The following ALG1 variants were observed in gnomAD, a reference collection of about 807,000 sequenced individuals.
ALG1 encodes ALG1 chitobiosyldiphosphodolichol beta-mannosyltransferase.
ALG1 carries 58 observed loss-of-function variants against 55.1 expected under a neutral mutation model. The observed-to-expected ratio is 1.05, with a 90% CI of 0.85 to 1.31. The LOEUF (loss-of-function observed/expected upper bound fraction) is 1.31. ALG1 is among the 50% of genes most tolerant of loss of function. ALG1 has a pLI of 0.00. For missense variants in ALG1, 761 were observed against 598.6 expected (o/e 1.27, Z -2.83); for synonymous variants, 309 against 247.0 (o/e 1.25, Z -2.35).
At position 5,078,805 on chromosome 16, in the gene ALG1, G is replaced by C. The variant is rs1419649148; in HGVS notation, c.789G>C (p.Arg263=). 6.2e-7 allele frequency: 1 copy of C among 1,612,694 alleles called. No individual in the cohort carries two copies. The highest frequency in any genetic ancestry group is 1.7e-5 in the Admixed American group (1 of 59,994). ...CGGAGCGGTCGGCCTTCACGGAGCG[G>C]GATGCTGGGAGCGGGCTGGTGACGC... ...PVTERSAFTE[R]DAGSGLVTRL... Residue 263 remains arginine (R), a synonymous_variant, in exon 7 of 13, where the codon CGG becomes CGC. Coordinates refer to ENST00000262374, the MANE Select transcript of ALG1 (RefSeq NM_019109.5).
Position 5,084,675 on chromosome 16 carries a change from G to A in ALG1, c.1264-75G>A, listed in dbSNP as rs536127978. 3.4e-5 allele frequency: 54 copies of A among 1,593,286 alleles called. No homozygotes were observed. In the East Asian group the frequency reaches 1.1e-3, roughly 34 times the overall value. On this transcript the variant is annotated intron_variant, in intron 12 of 12. Coordinates refer to ENST00000262374, the MANE Select transcript of ALG1 (RefSeq NM_019109.5). The stretch of plus-strand genomic sequence containing the variant: ...GGGTTGTTGTTGGGTCGGGGACCTG[G>A]GGTCAGCCAGGTGGTGACCTGGGAT...
Position 5,079,094 on chromosome 16 carries a change from C to T in ALG1, c.893C>T (p.Ala298Val). ...GAAGACTTCTCCATCCTGCTGGCAG[C>T]TTTAGAAAGTAGGTGTGTGGCTGCG... ...EDEDFSILLA[A>V]LEKFEQLTLD... The change falls in exon 8 of 13, where the codon GCT becomes GTT. Residue 298 changes from alanine to valine, a missense_variant. Physicochemically the swap from Ala to Val is moderately conservative, Grantham distance 64. Transcript: ENST00000262374. The T allele has an allele frequency of 6.3e-7, 1 of 1,597,524 alleles. No individual in the cohort carries two copies. The highest frequency in any genetic ancestry group is 8.5e-7 in the Non-Finnish European group (1 of 1,179,620).
chr16:5,083,824 T>G, intron 12 of ALG1, 67 bp downstream of exon 12: 6 of 1,595,252 alleles, frequency 3.8e-6, no homozygotes, highest in Non-Finnish European at 5.1e-6. Flanking sequence ...CCAGGCTCCC[T>G]GATCCCTGCT....
intron 5 of ALG1, 28 bp from the exon 6 acceptor site, chr16:5,077,879 C>T (rs1956941758): frequency 6.2e-7 from 1 of 1,602,340 alleles, no homozygotes; most frequent in African/African-American, 1.3e-5. Flanking sequence ...TCAGCCCTCC[C>T]AATAGCCCCG....
chr16:5,071,855 G>A lies in ALG1; in HGVS notation c.6G>A (p.Ala2=), dbSNP rs1340289136. The A allele has an allele frequency of 6.2e-7, 1 of 1,604,548 alleles. No homozygotes were observed. Among genetic ancestry groups the A allele is most frequent in the East Asian group, 2.2e-5 (1 of 44,742 alleles). M[A]ASCLVLLALC... ...ACTGCTGCGGGCCAGCCAAGATGGC[G>A]GCCTCATGCTTGGTCCTGCTGGCGC... Residue 2 remains alanine, a synonymous_variant, in exon 1 of 13, where the codon GCG becomes GCA. Transcript: ENST00000262374.
At chr16:5,072,856 C>T (rs1324545142) in intron 1 of ALG1, 95 bp from the exon 2 acceptor site, 1 of 1,182,368 alleles carries the variant, frequency 8.5e-7, no homozygotes, top group Non-Finnish European at 1.3e-6. Context: ...ATCTTACTTT[C>T]CAAAACACTG....
At chr16:5,083,498 C>T (rs1378250592) in intron 11 of ALG1, among the ~76,000 whole-genome samples, 184 bp from the exon 12 acceptor site, 1 of 152,144 alleles carries the variant, frequency 6.6e-6, no homozygotes, top group Non-Finnish European at 1.5e-5. Flanking sequence ...TTTTGATGTG[C>T]ACCCCCCCAG....
At position 5,077,534 on chromosome 16, in the gene ALG1, G is replaced by A; in HGVS notation, c.629G>A (p.Arg210Lys). The A allele has an allele frequency of 6.2e-7, 1 of 1,614,196 alleles. No homozygotes were observed. Among genetic ancestry groups the A allele is most frequent in the African/African-American group, 1.3e-5 (1 of 75,068 alleles). ...REDLADNWHI[R>K]AVTVYDKPAS... ...GACCTGGCGGATAACTGGCACATCA[G>A]GTACCATGGCCTGGGATGACGGCGG... Residue 210 changes from arginine to lysine, a missense_variant and splice_region_variant, in exon 5 of 13, where the codon AGG (arginine) becomes AAG (lysine). Physicochemically the swap from Arg to Lys is conservative, Grantham distance 26. Coordinates refer to ENST00000262374, the MANE Select transcript of ALG1 (RefSeq NM_019109.5).
At chr16:5,084,478 C>T (rs1254180761) in intron 12 of ALG1, 66 of 592,392 alleles carry the variant, frequency 1.1e-4, no homozygotes, top group Middle Eastern at 4.6e-4. Context: ...GAGGAGGGTG[C>T]TCACAGGGGA....
chr16:5,076,002 G>C (rs1956906197), intron 4 of ALG1, among the ~76,000 whole-genome samples: 1 of 152,212 alleles, frequency 6.6e-6, no homozygotes, highest in Non-Finnish European at 1.5e-5. Context: ...CATGGACAGA[G>C]GGTGGGTGAG....
intron 10 of ALG1, 143 bp downstream of exon 10, chr16:5,081,199 G>C: frequency 9.1e-7 from 1 of 1,102,712 alleles, no homozygotes; most frequent in Non-Finnish European, 1.3e-6. Flanking sequence ...GCTACTTCCT[G>C]GTGTGCCAGC....
intron 3 of ALG1, among the ~76,000 whole-genome samples, chr16:5,074,059 A>C (rs1444812229): frequency 6.6e-6 from 1 of 152,032 alleles, no homozygotes; most frequent in Admixed American, 6.5e-5. Context: ...TTTTTCTTTA[A>C]AAAATTTTTC....
At chr16:5,073,660 G>A (rs1445793781) in intron 3 of ALG1, among the ~76,000 whole-genome samples, 3 of 152,270 alleles carry the variant, frequency 2.0e-5, no homozygotes, top group Non-Finnish European at 4.4e-5. Flanking sequence ...TTGAACGTAG[G>A]TCGTCAGTGT....
At chr16:5,077,386 G>C in intron 4 of ALG1, 59 bp from the exon 5 acceptor site, 2 of 1,421,374 alleles carry the variant, frequency 1.4e-6, no homozygotes, top group South Asian at 1.1e-5. Flanking sequence ...GTCGAGTCAC[G>C]CTGTGGTGGT....
intron 6 of ALG1, 159 bp from the exon 7 acceptor site, chr16:5,078,598 A>T: frequency 7.8e-7 from 1 of 1,280,146 alleles, no homozygotes; most frequent in Non-Finnish European, 1.1e-6. Flanking sequence ...TAGAGAAAGC[A>T]AGCCCAGGCC....
rs1483209115 is a variant in ALG1 at position 5,085,686 on chromosome 16, T to C, written c.*805T>C. The C allele has an allele frequency of 1.2e-6, 2 of 1,611,880 alleles. No individual in the cohort carries two copies. Among genetic ancestry groups the C allele is most frequent in the Admixed American group, 1.7e-5 (1 of 60,008 alleles). On this transcript the variant is annotated 3_prime_UTR_variant, in exon 13 of 13. Coordinates refer to ENST00000262374, the MANE Select transcript of ALG1 (RefSeq NM_019109.5). ...CCAAGTGCTCTTCGTAGGGAAACAG[T>C]TTCTGCTCATGACGAGGTTCCACTT...
At chr16:5,075,652 G>A in intron 4 of ALG1, 116 bp downstream of exon 4, 1 of 1,304,732 alleles carries the variant, frequency 7.7e-7, no homozygotes, top group Non-Finnish European at 1.1e-6. Flanking sequence ...GCAGGAGGTG[G>A]GGTGAGGCTG....
intron 6 of ALG1, chr16:5,078,540 T>C (rs1956956147): frequency 1.2e-6 from 1 of 804,666 alleles, no homozygotes; most frequent in Non-Finnish European, 2.1e-6. Context: ...AGAAAAGGAA[T>C]GAGTCAGTCT....
chr16:5,078,084 T>C (rs1348058075), intron 6 of ALG1, 67 bp downstream of exon 6: 11 of 1,551,646 alleles, frequency 7.1e-6, no homozygotes, highest in Non-Finnish European at 9.6e-6. Flanking sequence ...CCCTTCTCAC[T>C]GCAGACCTGG....
Sources: allele counts gnomAD v4.1 joint callset (sites outside exome capture counted in the v4.1 genomes callset), GRCh38; gene constraint gnomAD v4.1.1; transcripts MANE v1.5; gene names NCBI Gene and HGNC (gene_info 2026-07-23, HGNC 2026-07-21).